NKAIN3: variants seen among roughly 807,000 people sequenced by gnomAD.
The protein encoded by NKAIN3 is sodium/potassium transporting ATPase interacting 3, also known as sodium/potassium-transporting ATPase subunit beta-1-interacting protein 3.
Under a neutral mutation model 30.2 loss-of-function variants are expected in NKAIN3, and 25 were observed. The ratio of observed to expected loss-of-function variants is 0.83; its 90% CI spans 0.60 to 1.16. NKAIN3 has a LOEUF of 1.16. Ranked by LOEUF, NKAIN3 falls within the 50% of genes most tolerant of loss-of-function variation. The pLI is 0.00. For synonymous variants in NKAIN3, 91 were observed against 89.6 expected, an observed-to-expected ratio of 1.02 and a Z score of -0.09; for missense variants, 225 against 254.1, an observed-to-expected ratio of 0.89 and a Z score of 0.78.
chr8:62,316,567 T>C (rs1165348277), intron 1 of NKAIN3, among the ~76,000 whole-genome samples: 1 of 152,130 alleles, frequency 6.6e-6, no homozygotes, highest in Non-Finnish European at 1.5e-5. Context: ...CTGAGAATGA[T>C]GGTTTCCAGC....
At chr8:62,737,025 T>A (rs1815696297) in intron 3 of NKAIN3, among the ~76,000 whole-genome samples, 1 of 152,178 alleles carries the variant, frequency 6.6e-6, no homozygotes, top group Admixed American at 6.5e-5. Flanking sequence ...TTCCACCCAT[T>A]GGGCACTCAC....
intron 4 of NKAIN3, among the ~76,000 whole-genome samples, chr8:62,829,742 T>TGATAGATAGATAGATAGATAGATA (rs57301851): frequency 2.0e-5 from 3 of 150,266 alleles, no homozygotes; most frequent in Admixed American, 2.0e-4. Context: ...GATAGATAGA[T>TGATAGATAGATAGATAGATAGATA]GATAGATAGA....
rs936700928 is a variant in NKAIN3, at chr8:62,933,021, C to T, written c.532+14508C>T. ...ACACACACACACACACACACACACA[C>T]ACACACACCAGGGAATGAGAGAATT... is the stretch of plus-strand genomic sequence containing the variant. On this transcript the variant is annotated intron_variant, in intron 5 of 6. Transcript: ENST00000623646. Among the ~76,000 whole-genome samples the T allele has an allele frequency of 1.3e-4, 20 of 152,036 alleles. 1 individual carries two copies. The highest frequency in any genetic ancestry group is 4.8e-4 in the African/African-American group (20 of 41,464).
intron 1 of NKAIN3, among the ~76,000 whole-genome samples, chr8:62,391,951 A>G (rs753912505): frequency 3.3e-5 from 5 of 151,978 alleles, no homozygotes; most frequent in Non-Finnish European, 7.4e-5. Context: ...AACTGGAATA[A>G]TTTATCTTTG....
At chr8:62,863,892 CATCTGATCCAGG>C in intron 4 of NKAIN3, 1 of 1,389,916 alleles carries the variant, frequency 7.2e-7, no homozygotes, top group Non-Finnish European at 1.0e-6. Context: ...TCTTGCTCAT[CATCTGATCCAGG>C]ATCTCCTCCT....
chr8:62,572,976 T>C (rs1809994626), intron 1 of NKAIN3, among the ~76,000 whole-genome samples: 1 of 152,172 alleles, frequency 6.6e-6, no homozygotes, highest in Admixed American at 6.6e-5. Flanking sequence ...AGCAGGGACA[T>C]TTCTTGCGTT....
At chr8:62,342,249 A>AG (rs1815773574) in intron 1 of NKAIN3, among the ~76,000 whole-genome samples, 1 of 151,082 alleles carries the variant, frequency 6.6e-6, no homozygotes, top group Non-Finnish European at 1.5e-5. Flanking sequence ...AAAAAAAAAA[A>AG]AGAGATAGAA....
chr8:62,537,874 G>A (rs771031732), intron 1 of NKAIN3, among the ~76,000 whole-genome samples: 1 of 152,078 alleles, frequency 6.6e-6, no homozygotes, highest in Non-Finnish European at 1.5e-5. Flanking sequence ...GCTCAACACT[G>A]GATTTGCAGA....
chr8:62,691,682 G>A (rs1813972042), intron 3 of NKAIN3, among the ~76,000 whole-genome samples: 1 of 152,086 alleles, frequency 6.6e-6, no homozygotes, highest in Admixed American at 6.5e-5. Flanking sequence ...CTCATCTCAG[G>A]CCACTCACCT....
chr8:62,524,420 G>A (rs1808240511), intron 1 of NKAIN3, among the ~76,000 whole-genome samples: 1 of 152,026 alleles, frequency 6.6e-6, no homozygotes, highest in Non-Finnish European at 1.5e-5. Flanking sequence ...ATTCATTTAG[G>A]GAGTAACTCG....
At chr8:62,297,876 A>G (rs1813891622) in intron 1 of NKAIN3, among the ~76,000 whole-genome samples, 1 of 152,208 alleles carries the variant, frequency 6.6e-6, no homozygotes, top group African/African-American at 2.4e-5. Flanking sequence ...ATGCACATGT[A>G]TGTTTATTGT....
At position 62,426,309 on chromosome 8, in the gene NKAIN3, G is replaced by A. The variant is rs551094661; in HGVS notation, c.55-153230G>A. 5.3e-5 allele frequency among the ~76,000 whole-genome samples: 8 copies of A among 152,058 alleles called. No individual in the cohort carries two copies. In the South Asian group the frequency reaches 1.7e-3, roughly 32 times the overall value. On this transcript the variant is annotated intron_variant, in intron 1 of 6. Coordinates refer to ENST00000623646, the MANE Select transcript of NKAIN3 (RefSeq NM_001304533.3). ...TTTAAAGAAGTCTTTCTTTCCTGAT[G>A]TGAGCCTTACCAGAAAATCACTCCA...
chr8:62,753,008 C>T (rs193205178), intron 4 of NKAIN3, among the ~76,000 whole-genome samples: 1 of 152,214 alleles, frequency 6.6e-6, no homozygotes, highest in East Asian at 1.9e-4. Flanking sequence ...TGAATTTGTT[C>T]TTCCGCATGT....
chr8:62,818,961 T>A (rs2130727656), intron 4 of NKAIN3, among the ~76,000 whole-genome samples: 1 of 151,958 alleles, frequency 6.6e-6, no homozygotes, highest in Admixed American at 6.6e-5. Flanking sequence ...ATCAACCAAA[T>A]GATAGTCATC....
At chr8:62,345,824 GTA>G (rs1243690395) in intron 1 of NKAIN3, among the ~76,000 whole-genome samples, 4 of 151,586 alleles carry the variant, frequency 2.6e-5, no homozygotes, top group Non-Finnish European at 5.9e-5. Flanking sequence ...AAATAAAACA[GTA>G]TGTGTGTGTG....
intron 3 of NKAIN3, among the ~76,000 whole-genome samples, chr8:62,642,222 G>A (rs1057026867): frequency 6.6e-6 from 1 of 152,050 alleles, no homozygotes; most frequent in Non-Finnish European, 1.5e-5. Flanking sequence ...TTTGTCACTG[G>A]TAAGCTTGAG....
rs995431695 is a variant in NKAIN3 at position 62,309,466 on chromosome 8, A to G, written c.54+60339A>G. Among the ~76,000 whole-genome samples the G allele has an allele frequency of 2.0e-5, 3 of 150,668 alleles. 1 individual carries two copies. Among genetic ancestry groups the G allele is most frequent in the African/African-American group, 7.5e-5 (3 of 39,996 alleles). Reference sequence around the variant, plus strand: ...CTAGCTAAATTGTAATTTATTGTGGAAGATACAATCATCACTCACCTTGGT... The same window carrying G: ...CTAGCTAAATTGTAATTTATTGTGGGAGATACAATCATCACTCACCTTGGT... On this transcript the variant is annotated intron_variant, in intron 1 of 6. Coordinates refer to ENST00000623646, the MANE Select transcript of NKAIN3 (RefSeq NM_001304533.3).
At chr8:62,806,347 A>T (rs1271194418) in intron 4 of NKAIN3, among the ~76,000 whole-genome samples, 1 of 152,220 alleles carries the variant, frequency 6.6e-6, no homozygotes, top group Non-Finnish European at 1.5e-5. Context: ...ATAAAGACAC[A>T]TGCATACGTA....
At chr8:62,987,294 G>A (rs952466765), downstream of NKAIN3, among the ~76,000 whole-genome samples, 2 of 152,104 alleles carry the variant, frequency 1.3e-5, no homozygotes, top group African/African-American at 4.8e-5. Flanking sequence ...TTGAGAGGCT[G>A]AGGCATGAGA....
Sources: allele counts gnomAD v4.1 joint callset (sites outside exome capture counted in the v4.1 genomes callset), GRCh38; gene constraint gnomAD v4.1.1; transcripts MANE v1.5; gene names NCBI Gene and HGNC (gene_info 2026-07-23, HGNC 2026-07-21).